RHBDF1: variants seen among roughly 807,000 people sequenced by gnomAD.
RHBDF1 encodes the protein inactive rhomboid protein 1.
Under a neutral mutation model 98.6 loss-of-function variants are expected in RHBDF1, and 80 were observed. That is an observed-to-expected ratio of 0.81 (90% CI 0.68 to 0.98). The LOEUF (loss-of-function observed/expected upper bound fraction) is 0.98, where lower values mean the gene tolerates loss of function less well. Ranked by LOEUF, RHBDF1 falls within the 50% of genes least tolerant of loss-of-function variation. The pLI is 0.00. For missense variants in RHBDF1, 1,116 were observed against 1,198.3 expected, an observed-to-expected ratio of 0.93 and a Z score of 1.01; for synonymous variants, 512 against 486.8, an observed-to-expected ratio of 1.05 and a Z score of -0.68.
chr16:66,994 C>G (rs1567118013), intron 1 of RHBDF1, among the ~76,000 whole-genome samples: 1 of 152,186 alleles, frequency 6.6e-6, no homozygotes, highest in South Asian at 2.1e-4. Flanking sequence ...CCCAGACCTG[C>G]GTGTCCTGGA....
chr16:75,690 C>T (rs1276644430), upstream of RHBDF1, among the ~76,000 whole-genome samples: 5 of 152,210 alleles, frequency 3.3e-5, no homozygotes, highest in East Asian at 1.9e-4. Context: ...CACCCAACCT[C>T]GGCCTGCCCA....
chr16:61,154 G>A lies in RHBDF1; in HGVS notation c.1523C>T (p.Ser508Leu), dbSNP rs1258611098. 2 of 1,538,186 alleles carry A rather than the reference G, an allele frequency of 1.3e-6. No individual in the cohort carries two copies. Among genetic ancestry groups the A allele is most frequent in the Non-Finnish European group, 1.7e-6 (2 of 1,144,826 alleles). The stretch of plus-strand genomic sequence containing the variant: ...CTCCTCCGAGGTCTGCACGCAGCCC[G>A]ACCTGTCGTTGCGCACGCAGCAGGC... The part of the protein sequence containing the change: ...HSACCVRNDR[S>L]GCVQTSEEEC... The change falls in exon 11 of 18, where the codon TCG becomes TTG. Residue 508 changes from serine to leucine, a missense_variant. Physicochemically the swap from Ser to Leu is moderately radical, Grantham distance 145. Coordinates refer to ENST00000262316, the MANE Select transcript of RHBDF1 (RefSeq NM_022450.5).
At chr16:67,716 T>C (rs533493304) in intron 1 of RHBDF1, among the ~76,000 whole-genome samples, 1 of 152,346 alleles carries the variant, frequency 6.6e-6, no homozygotes, top group African/African-American at 2.4e-5. Flanking sequence ...GCCACTGTCC[T>C]GTCACTGCTG....
intron 1 of RHBDF1, among the ~76,000 whole-genome samples, chr16:69,224 G>C (rs759715266): frequency 6.6e-6 from 1 of 152,186 alleles, no homozygotes; most frequent in Non-Finnish European, 1.5e-5. Flanking sequence ...GGCATAGACA[G>C]TGGCCACAGC....
chr16:65,163 C>T (rs1007226844), intron 1 of RHBDF1, 124 bp from the exon 2 acceptor site: 34 of 1,017,472 alleles, frequency 3.3e-5, no homozygotes, highest in Non-Finnish European at 4.0e-5. Flanking sequence ...CCCCCACTGT[C>T]AGAGCACTAC....
At position 61,179 on chromosome 16, in the gene RHBDF1, C is replaced by A; in HGVS notation, c.1498G>T (p.Ala500Ser). The change falls in exon 11 of 18, where the codon GCC becomes TCC. Residue 500 changes from alanine (A) to serine (S), a missense_variant. Transcript: ENST00000262316. ...GACCTGTCGTTGCGCACGCAGCAGGCGGAGTGCTTCTCGCGCTCGCGCGCC... is the reference window on the plus strand; with the variant it reads ...GACCTGTCGTTGCGCACGCAGCAGGAGGAGTGCTTCTCGCGCTCGCGCGCC... ...RSAREREKHS[A>S]CCVRNDRSGC... 3.2e-6 allele frequency: 5 copies of A among 1,541,612 alleles called. No homozygotes were observed. Among genetic ancestry groups the A allele is most frequent in the Non-Finnish European group, 4.4e-6 (5 of 1,145,438 alleles).
chr16:61,358 C>T (rs1350725965), intron 10 of RHBDF1, 27 bp downstream of exon 10: 18 of 1,559,544 alleles, frequency 1.2e-5, no homozygotes, highest in Non-Finnish European at 1.6e-5. Flanking sequence ...CCGCCCCCGC[C>T]GGCCCCGCCC....
intron 1 of RHBDF1, among the ~76,000 whole-genome samples, chr16:69,700 T>C (rs1897921303): frequency 6.6e-6 from 1 of 152,186 alleles, no homozygotes; most frequent in Non-Finnish European, 1.5e-5. Flanking sequence ...CTGAGAATGA[T>C]ATTTGCTAGG....
At chr16:71,379 C>T (rs1248928085) in intron 1 of RHBDF1, among the ~76,000 whole-genome samples, 1 of 152,196 alleles carries the variant, frequency 6.6e-6, no homozygotes, top group Non-Finnish European at 1.5e-5. Flanking sequence ...CAGGGGGCTC[C>T]GCCTCAGGGA....
At chr16:61,744 C>T (rs1408990223) in intron 8 of RHBDF1, 48 bp from the exon 9 acceptor site, 1 of 1,612,028 alleles carries the variant, frequency 6.2e-7, no homozygotes, top group Non-Finnish European at 8.5e-7. Flanking sequence ...CCCGGAGCCC[C>T]CACCCTCCCC....
chr16:64,125 T>C lies in RHBDF1; in HGVS notation c.249-325A>G, dbSNP rs117178741. 5.6e-3 allele frequency: 3,758 copies of C among 669,450 alleles called. 19 individuals carry two copies. The highest frequency in any genetic ancestry group is 8.2e-3 in the Non-Finnish European group (3,355 of 409,650). The allele number at this position is 669,450 out of a possible 1,614,324, so 41.5% of individuals were successfully genotyped here. On this transcript the variant is annotated intron_variant, in intron 3 of 17. Coordinates refer to ENST00000262316, the MANE Select transcript of RHBDF1 (RefSeq NM_022450.5). Reference sequence around the variant, plus strand: ...AGCTGAGAGCTCAACCCGAGAGAGCTTGGCCCCAGGACACCACAGAGCTCA... The same window carrying C: ...AGCTGAGAGCTCAACCCGAGAGAGCCTGGCCCCAGGACACCACAGAGCTCA...
In RHBDF1 at chr16:59,435, GCCT is replaced by G; in HGVS notation, c.1874_1876del (p.Glu625del). 1 of 1,613,834 alleles carries G rather than the reference GCCT, an allele frequency of 6.2e-7. No individual in the cohort carries two copies. The highest frequency in any genetic ancestry group is 1.1e-5 in the South Asian group (1 of 91,086). On this transcript the variant is annotated inframe_deletion, in exon 15 of 18. Transcript: ENST00000262316. ...CAGACCTACCTGAGAGCAGAGCGTGGCCTCCTCATGGAAGTAGCCCCTCATGAA... is the reference window on the plus strand; with the variant it reads ...CAGACCTACCTGAGAGCAGAGCGTGGCCTCATGGAAGTAGCCCCTCATGAA...
chr16:61,920 C>A lies in RHBDF1; in HGVS notation c.1086G>T (p.Lys362Asn). 1 of 1,602,390 alleles carries A rather than the reference C, an allele frequency of 6.2e-7. No individual in the cohort carries two copies. Among genetic ancestry groups the A allele is most frequent in the Non-Finnish European group, 8.5e-7 (1 of 1,179,592 alleles). ...ACGGCCGCTTCTCCCGGGCGAAGAG[C>A]TTGCGCACCGGCACCGCGATACGCT... ...RGQRIAVPVR[K>N]LFAREKRPYG... Residue 362 changes from lysine to asparagine, a missense_variant, in exon 8 of 18, where the codon AAG becomes AAT. Transcript: ENST00000262316.
rs769523103 is a variant in RHBDF1 at position 63,742 on chromosome 16, G to A, written c.307C>T (p.Arg103Cys). 6.4e-5 allele frequency: 103 copies of A among 1,613,420 alleles called. No homozygotes were observed. The highest frequency in any genetic ancestry group is 8.3e-5 in the Non-Finnish European group (98 of 1,179,910). Reference sequence around the variant, plus strand: ...TGGCTGCAGTGACGGATGCTCTTGCGCTGCCATTTCTGGGTGCTGTCACTG... The same window carrying A: ...TGGCTGCAGTGACGGATGCTCTTGCACTGCCATTTCTGGGTGCTGTCACTG... The part of the protein sequence containing the change: ...KDSDSTQKWQ[R>C]KSIRHCSQRY... The change falls in exon 4 of 18, where the codon CGC becomes TGC. Residue 103 changes from arginine (R) to cysteine (C), a missense_variant. Coordinates refer to ENST00000262316, the MANE Select transcript of RHBDF1 (RefSeq NM_022450.5).
At position 60,034 on chromosome 16, in the gene RHBDF1, C is replaced by G. The variant is rs2141845161; in HGVS notation, c.1722+182G>C. 2.0e-6 allele frequency: 3 copies of G among 1,476,404 alleles called. No individual in the cohort carries two copies. In the East Asian group the frequency reaches 7.4e-5, roughly 37 times the overall value. The allele number at this position is 1,476,404 out of a possible 1,614,324, so 91.5% of individuals were successfully genotyped here. A position where few individuals can be genotyped will look rare whatever the true frequency, so the allele number is the denominator to read the frequency against. On this transcript the variant is annotated intron_variant, in intron 13 of 17. Transcript: ENST00000262316. ...CAAGTCTCCATCTAGTTCTCTTGAT[C>G]TACTTGCTCAGAGGGGCAGGCGCTG...
intron 4 of RHBDF1, 69 bp from the exon 5 acceptor site, chr16:63,251 C>A (rs1009980900): frequency 3.7e-6 from 5 of 1,338,904 alleles, no homozygotes; most frequent in Admixed American, 2.2e-5. Flanking sequence ...GGCACAGAGG[C>A]CTTGCAAAGA....
upstream of RHBDF1, chr16:73,999 T>C: frequency 1.0e-6 from 1 of 960,088 alleles, no homozygotes; most frequent in South Asian, 4.8e-5. Context: ...CTGCACATAA[T>C]GGGTGCTCTC....
intron 15 of RHBDF1, 22 bp downstream of exon 15, chr16:59,397 G>A (rs201105789): frequency 3.8e-5 from 62 of 1,612,906 alleles, no homozygotes; most frequent in African/African-American, 2.4e-4. Flanking sequence ...GGAGGGGAAC[G>A]ACGGACACTC....
chr16:69,810 C>T (rs1220176451), intron 1 of RHBDF1, among the ~76,000 whole-genome samples: 1 of 152,166 alleles, frequency 6.6e-6, no homozygotes, highest in Admixed American at 6.5e-5. Context: ...AGGCCTGAGA[C>T]CTTTGCAGGG....
Sources: allele counts gnomAD v4.1 joint callset (sites outside exome capture counted in the v4.1 genomes callset), GRCh38; gene constraint gnomAD v4.1.1; transcripts MANE v1.5; gene names NCBI Gene and HGNC (gene_info 2026-07-23, HGNC 2026-07-21).